DNAH3: variants seen among roughly 807,000 people sequenced by gnomAD.
DNAH3 encodes dynein axonemal heavy chain 3.
In DNAH3, 332 loss-of-function variants were observed where a neutral mutation model predicts 432.5. The ratio of observed to expected loss-of-function variants is 0.77; its 90% CI spans 0.70 to 0.84. The LOEUF (loss-of-function observed/expected upper bound fraction) is 0.84. Among genes scored for constraint, DNAH3 ranks in the 40% least tolerant of loss-of-function variants. The pLI, the probability that DNAH3 is intolerant of heterozygous loss-of-function variation, is 0.00. For missense variants in DNAH3, 4,861 were observed against 5,114.0 expected (o/e 0.95, Z 1.51); for synonymous variants, 1,956 against 1,900.2 (o/e 1.03, Z -0.76).
intron 48 of DNAH3, 34 bp downstream of exon 48, chr16:20,985,015 A>G: frequency 1.3e-6 from 2 of 1,542,000 alleles, no homozygotes; most frequent in Non-Finnish European, 1.7e-6. Context: ...AACACCCAGA[A>G]GAACAAGGGC....
intron 44 of DNAH3, among the ~76,000 whole-genome samples, chr16:20,989,787 G>A (rs1157288819): frequency 1.3e-5 from 2 of 152,242 alleles, no homozygotes; most frequent in Non-Finnish European, 2.9e-5. Flanking sequence ...GCCCTGCCCC[G>A]CGGCAAGGCA....
intron 27 of DNAH3, among the ~76,000 whole-genome samples, chr16:21,057,249 T>TA (rs1356744496): frequency 5.9e-5 from 9 of 152,110 alleles, no homozygotes; most frequent in Non-Finnish European, 1.3e-4. Context: ...GTCTCTAGTT[T>TA]AAAAAATAGA....
At chr16:21,074,830 C>G (rs2090918730) in intron 21 of DNAH3, among the ~76,000 whole-genome samples, 1 of 152,178 alleles carries the variant, frequency 6.6e-6, no homozygotes, top group Non-Finnish European at 1.5e-5. Flanking sequence ...ACACCCTATC[C>G]CAAAAGCAAG....
chr16:21,054,517 G>T, exon 28 of DNAH3: 1 of 1,613,898 alleles, frequency 6.2e-7, no homozygotes, highest in Non-Finnish European at 8.5e-7. Context: ...TCTGATCATT[G>T]CTCTTTTTCA....
At chr16:21,050,017 T>C in exon 30 of DNAH3, 1 of 1,609,578 alleles carries the variant, frequency 6.2e-7, no homozygotes, top group Non-Finnish European at 8.5e-7. Flanking sequence ...CCCATCAGTG[T>C]CCTATGGGGA....
chr16:20,985,783 G>A (rs1274874167), intron 47 of DNAH3, 68 bp from the exon 48 acceptor site: 13 of 1,504,928 alleles, frequency 8.6e-6, no homozygotes, highest in African/African-American at 1.4e-5. Context: ...GGGACATCAT[G>A]GAGGGAGGGC....
chr16:21,080,288 C>T (rs1393639053), intron 20 of DNAH3, among the ~76,000 whole-genome samples: 1 of 152,182 alleles, frequency 6.6e-6, no homozygotes, highest in East Asian at 1.9e-4. Context: ...CAAAGTGAGA[C>T]TCCGTCTCCA....
chr16:21,108,039 A>G (rs2091987672), intron 14 of DNAH3, among the ~76,000 whole-genome samples: 1 of 151,862 alleles, frequency 6.6e-6, no homozygotes, highest in South Asian at 2.1e-4. Flanking sequence ...ACACCCGGCT[A>G]ATTTTTGTAT....
chr16:20,988,854 G>A (rs925458474), intron 44 of DNAH3, among the ~76,000 whole-genome samples: 3 of 152,050 alleles, frequency 2.0e-5, no homozygotes, highest in Admixed American at 6.6e-5. Context: ...TGGTGGGTTC[G>A]TCATCTCGCT....
chr16:20,945,044 T>C (rs568883448), intron 57 of DNAH3, among the ~76,000 whole-genome samples: 9 of 152,248 alleles, frequency 5.9e-5, no homozygotes, highest in African/African-American at 1.9e-4. Context: ...TGACACCTAG[T>C]GGGCTGCATT....
intron 53 of DNAH3, among the ~76,000 whole-genome samples, chr16:20,961,621 C>G (rs912862109): frequency 1.3e-5 from 2 of 151,862 alleles, no homozygotes; most frequent in Non-Finnish European, 1.5e-5. Flanking sequence ...AGGACAGACA[C>G]AGAGAGAAGG....
At chr16:21,095,613 T>C (rs534815809) in intron 18 of DNAH3, among the ~76,000 whole-genome samples, 1 of 152,348 alleles carries the variant, frequency 6.6e-6, no homozygotes, top group Non-Finnish European at 1.5e-5. Context: ...TGTTTTCTGA[T>C]TGTAGTGATG....
At chr16:20,991,219 C>T (rs2086541417) in intron 44 of DNAH3, among the ~76,000 whole-genome samples, 1 of 151,972 alleles carries the variant, frequency 6.6e-6, no homozygotes, top group Non-Finnish European at 1.5e-5. Flanking sequence ...TTTGTAGACA[C>T]CAGGGTTTAA....
rs554673624 is a variant in DNAH3, at chr16:21,151,490, G to T, written c.118-5402C>A. On this transcript the variant is annotated intron_variant, in intron 1 of 61. Transcript: ENST00000261383. The stretch of plus-strand genomic sequence containing the variant: ...TTTTTGTATTTTTAGTAGAGACGGG[G>T]TTTCACCGTGTTAGCCAGGATGGTC... Among the ~76,000 whole-genome samples the T allele has an allele frequency of 3.3e-5, 5 of 152,090 alleles. No homozygotes were observed. The East Asian group carries it at 9.7e-4, about 29-fold the overall frequency.
chr16:21,095,482 C>A (rs1162661794), intron 18 of DNAH3, among the ~76,000 whole-genome samples: 1 of 152,064 alleles, frequency 6.6e-6, no homozygotes, highest in Non-Finnish European at 1.5e-5. Flanking sequence ...TAGGAGGAGC[C>A]TCAAAAGGAC....
chr16:20,989,990 C>T (rs990264380), intron 44 of DNAH3, among the ~76,000 whole-genome samples: 1 of 152,220 alleles, frequency 6.6e-6, no homozygotes, highest in South Asian at 2.1e-4. Context: ...CTGCAAGCGC[C>T]GCGCGCAGCC....
At chr16:20,987,088 G>A (rs2086234107) in intron 47 of DNAH3, among the ~76,000 whole-genome samples, 1 of 152,156 alleles carries the variant, frequency 6.6e-6, no homozygotes, top group Admixed American at 6.5e-5. Flanking sequence ...GCCATTTTGA[G>A]TGGATTCAAA....
chr16:21,151,883 T>TC (rs1282211737), intron 1 of DNAH3, among the ~76,000 whole-genome samples: 1 of 152,162 alleles, frequency 6.6e-6, no homozygotes, highest in Non-Finnish European at 1.5e-5. Context: ...TCTTTTTTTT[T>TC]CATTCAATTT....
chr16:21,036,711 A>G lies in DNAH3; in HGVS notation c.5085+3T>C. The G allele has an allele frequency of 1.9e-6, 3 of 1,613,952 alleles. No homozygotes were observed. Among genetic ancestry groups the G allele is most frequent in the Non-Finnish European group, 2.5e-6 (3 of 1,179,956 alleles). On this transcript the variant is annotated splice_donor_region_variant and intron_variant, in intron 35 of 61. Coordinates refer to ENST00000261383, the Ensembl canonical transcript of DNAH3. Reference sequence around the variant, plus strand: ...GCACATTTATATGGGCTAAGGAACCAACCTGGATAATTTTCCCTATAAACC... The same window carrying G: ...GCACATTTATATGGGCTAAGGAACCGACCTGGATAATTTTCCCTATAAACC...
Sources: allele counts gnomAD v4.1 joint callset (sites outside exome capture counted in the v4.1 genomes callset), GRCh38; gene constraint gnomAD v4.1.1; transcripts MANE v1.5; gene names NCBI Gene and HGNC (gene_info 2026-07-23, HGNC 2026-07-21).